The following MATCAP2 variants were observed in gnomAD, a reference collection of about 807,000 sequenced individuals.
The protein encoded by MATCAP2 is putative tyrosine carboxypeptidase MATCAP2.
chr7:36,379,314 G>A, the MATCAP2 span, among the ~76,000 whole-genome samples: 1 of 152,196 alleles, frequency 6.6e-6, no homozygotes, highest in Admixed American at 6.5e-5. Context: ...GCAGACAAGA[G>A]CATTCTGGGA....
At chr7:36,374,758 A>G in the MATCAP2 span, among the ~76,000 whole-genome samples, 1 of 152,092 alleles carries the variant, frequency 6.6e-6, no homozygotes, top group African/African-American at 2.4e-5. Flanking sequence ...CTCATTGTTC[A>G]ATTCCCACCT....
the MATCAP2 span, among the ~76,000 whole-genome samples, chr7:36,342,003 A>G: frequency 9.2e-5 from 14 of 152,344 alleles, no homozygotes; most frequent in East Asian, 2.7e-3. Context: ...AATTTACCTT[A>G]GATTCCTTAA....
At chr7:36,333,378 A>G in the MATCAP2 span, among the ~76,000 whole-genome samples, 12 of 152,200 alleles carry the variant, frequency 7.9e-5, no homozygotes, top group Non-Finnish European at 1.6e-4. Context: ...GAAATGGGGA[A>G]TGAATGCTAA....
the MATCAP2 span, among the ~76,000 whole-genome samples, chr7:36,341,872 C>A: frequency 6.6e-6 from 1 of 152,194 alleles, no homozygotes; most frequent in Admixed American, 6.5e-5. Flanking sequence ...ACTTCCCAGG[C>A]ACCAGAACCA....
the MATCAP2 span, among the ~76,000 whole-genome samples, chr7:36,348,724 TTATAAA>T: frequency 1.2e-4 from 19 of 152,170 alleles, no homozygotes; most frequent in African/African-American, 4.3e-4. Context: ...TTTGATGGAA[TTATAAA>T]TAAAGTATTG....
chr7:36,363,378 T>C, the MATCAP2 span, among the ~76,000 whole-genome samples: 2 of 152,252 alleles, frequency 1.3e-5, no homozygotes, highest in Admixed American at 6.5e-5. Flanking sequence ...CATAATCTTA[T>C]ATGGTTTCTC....
chr7:36,388,423 A>C, the MATCAP2 span, among the ~76,000 whole-genome samples: 1 of 152,240 alleles, frequency 6.6e-6, no homozygotes, highest in Admixed American at 6.5e-5. Context: ...ACAAAAATTC[A>C]AATTAAAAAT....
At chr7:36,351,964 AT>A in the MATCAP2 span, among the ~76,000 whole-genome samples, 3 of 140,126 alleles carry the variant, frequency 2.1e-5, no homozygotes, top group African/African-American at 5.3e-5. Flanking sequence ...AAAAAAAAAA[AT>A]TTAAGATACA....
the MATCAP2 span, among the ~76,000 whole-genome samples, chr7:36,337,014 G>A: frequency 6.9e-6 from 1 of 145,770 alleles, no homozygotes; most frequent in East Asian, 2.1e-4. Context: ...AAGAATCCTT[G>A]CACAACCCAG....
chr7:36,359,411 G>A, the MATCAP2 span, among the ~76,000 whole-genome samples: 1 of 152,168 alleles, frequency 6.6e-6, no homozygotes, highest in Non-Finnish European at 1.5e-5. Context: ...AAACCCAGGA[G>A]TCACAGAGTC....
At chr7:36,361,679 C>G in the MATCAP2 span, among the ~76,000 whole-genome samples, 2 of 152,108 alleles carry the variant, frequency 1.3e-5, no homozygotes, top group African/African-American at 4.8e-5. Context: ...CTACTTGAAC[C>G]CAGGAGTTTG....
the MATCAP2 span, among the ~76,000 whole-genome samples, chr7:36,387,293 G>C: frequency 6.6e-6 from 1 of 152,140 alleles, no homozygotes; most frequent in Non-Finnish European, 1.5e-5. Flanking sequence ...AGATGAATGA[G>C]AATAGGAAGG....
the MATCAP2 span, chr7:36,389,751 G>A: frequency 4.8e-6 from 2 of 416,414 alleles, no homozygotes; most frequent in Non-Finnish European, 8.3e-6. Context: ...CACCCGGCCC[G>A]GCGCGGCCAC....
chr7:36,379,679 G>T, the MATCAP2 span, among the ~76,000 whole-genome samples: 1 of 151,980 alleles, frequency 6.6e-6, no homozygotes, highest in African/African-American at 2.4e-5. Context: ...GTCACTAGGT[G>T]ATTTTGTCAT....
chr7:36,378,445 G>A, the MATCAP2 span, among the ~76,000 whole-genome samples: 1 of 152,098 alleles, frequency 6.6e-6, no homozygotes, highest in Non-Finnish European at 1.5e-5. Flanking sequence ...AGCAAATATT[G>A]CTGCCTGATC....
the MATCAP2 span, among the ~76,000 whole-genome samples, chr7:36,343,185 C>G: frequency 6.7e-6 from 1 of 149,892 alleles, no homozygotes; most frequent in Admixed American, 6.7e-5. Context: ...TTAATAAAAC[C>G]AATAATAATC....
At chr7:36,357,109 C>G in the MATCAP2 span, 1 of 1,614,192 alleles carries the variant, frequency 6.2e-7, no homozygotes, top group Non-Finnish European at 8.5e-7. Context: ...TTCTAGACAG[C>G]TGAGGCTTTG....
chr7:36,337,424 T>C, the MATCAP2 span, among the ~76,000 whole-genome samples: 5 of 152,132 alleles, frequency 3.3e-5, no homozygotes, highest in African/African-American at 1.2e-4. Context: ...AGAAAATTGC[T>C]TTTCAAAGGC....
chr7:36,380,031 AGTG>A, the MATCAP2 span, among the ~76,000 whole-genome samples: 3 of 152,174 alleles, frequency 2.0e-5, no homozygotes, highest in Non-Finnish European at 2.9e-5. Context: ...GGCAAAATAA[AGTG>A]GTGCAAATTG....
Sources: allele counts gnomAD v4.1 joint callset (sites outside exome capture counted in the v4.1 genomes callset), GRCh38; gene constraint gnomAD v4.1.1; transcripts MANE v1.5; gene names NCBI Gene and HGNC (gene_info 2026-07-23, HGNC 2026-07-21).